AFF3: variants seen among roughly 807,000 people sequenced by gnomAD.
AFF3 encodes the protein AF4/FMR2 family member 3.
A neutral mutation model predicts 129.7 loss-of-function variants in AFF3; 32 were observed. That is an observed-to-expected ratio of 0.25 (90% CI 0.19 to 0.33). The LOEUF (loss-of-function observed/expected upper bound fraction) is 0.33. Ranked by LOEUF, AFF3 falls within the 10% of genes least tolerant of loss-of-function variation. The pLI is 1.00. For synonymous variants in AFF3, 644 were observed against 635.4 expected (o/e 1.01, Z -0.20); for missense variants, 1,373 against 1,592.0 (o/e 0.86, Z 2.34).
chr2:100,113,102 G>A (rs1444348116), intron 2 of AFF3, among the ~76,000 whole-genome samples: 2 of 152,160 alleles, frequency 1.3e-5, no homozygotes, highest in East Asian at 1.9e-4. Context: ...CTCAAGTCAG[G>A]GCTGAAGTCA....
chr2:99,554,711 C>T lies in AFF3; in HGVS notation c.3307G>A (p.Ala1103Thr), dbSNP rs948906687. 6.2e-7 allele frequency: 1 copy of T among 1,614,104 alleles called. No individual in the cohort carries two copies. Among genetic ancestry groups the T allele is most frequent in the African/African-American group, 1.3e-5 (1 of 74,944 alleles). ...YFKNSSKAAQ[A>T]PSPWGASGKS... Reference sequence around the variant, plus strand: ...CCACTGGCCCCCCACGGAGATGGGGCTTGGGCGGCTTTAGATGAGTTCTGC... The same window carrying T: ...CCACTGGCCCCCCACGGAGATGGGGTTTGGGCGGCTTTAGATGAGTTCTGC... Residue 1103 changes from alanine to threonine, a missense_variant, in exon 23 of 25, where the codon GCC (alanine) becomes ACC (threonine). Transcript: ENST00000672756.
chr2:99,709,271 T>C lies in AFF3; in HGVS notation c.1091+17806A>G, dbSNP rs189617032. 3.5e-4 allele frequency among the ~76,000 whole-genome samples: 54 copies of C among 152,346 alleles called. No individual in the cohort carries two copies. In the East Asian group the frequency reaches 8.7e-3, roughly 24 times the overall value. On this transcript the variant is annotated intron_variant, in intron 11 of 24. Coordinates refer to ENST00000672756, the MANE Select transcript of AFF3 (RefSeq NM_001386135.1). ...TCAAACTGGGTTCAAACCCTAGCTC[T>C]GTCACAAACTAGCTGTGTGAGGCTG...
intron 10 of AFF3, among the ~76,000 whole-genome samples, chr2:99,743,230 T>C (rs556382993): frequency 6.6e-6 from 1 of 152,232 alleles, no homozygotes; most frequent in East Asian, 1.9e-4. Context: ...GGCCTTTCTC[T>C]AGCTGCGCAT....
At chr2:99,701,015 A>T (rs1676801805) in intron 11 of AFF3, among the ~76,000 whole-genome samples, 1 of 152,188 alleles carries the variant, frequency 6.6e-6, no homozygotes, top group South Asian at 2.1e-4. Context: ...ACTGAAAGGG[A>T]CAGTGTGGCC....
intron 7 of AFF3, among the ~76,000 whole-genome samples, chr2:99,941,855 C>G (rs1035272758): frequency 4.6e-5 from 7 of 152,194 alleles, no homozygotes; most frequent in Non-Finnish European, 1.0e-4. Context: ...GATGACATCA[C>G]GGAGCCTCTG....
At chr2:99,619,939 A>T (rs1032612920) in intron 13 of AFF3, among the ~76,000 whole-genome samples, 10 of 152,170 alleles carry the variant, frequency 6.6e-5, no homozygotes, top group African/African-American at 1.9e-4. Context: ...AGGATGGAGG[A>T]CGACCAACCT....
intron 7 of AFF3, chr2:100,006,033 CCAT>C (rs1441293227): frequency 2.0e-5 from 3 of 152,140 alleles, no homozygotes; most frequent in Non-Finnish European, 4.4e-5. Flanking sequence ...CTCTTCACAA[CCAT>C]CATCAATTTG....
intron 7 of AFF3, among the ~76,000 whole-genome samples, chr2:99,935,304 C>T (rs934231532): frequency 6.6e-6 from 1 of 152,072 alleles, no homozygotes; most frequent in South Asian, 2.1e-4. Flanking sequence ...GGGACACTGG[C>T]CATGTCACTT....
At position 99,688,036 on chromosome 2, in the gene AFF3, G is replaced by T. The variant is rs189767543; in HGVS notation, c.1092-15447C>A. Among the ~76,000 whole-genome samples, 114 of 152,214 alleles carry T rather than the reference G, an allele frequency of 7.5e-4. No homozygotes were observed. The East Asian group carries it at 0.02, about 26-fold the overall frequency. On this transcript the variant is annotated intron_variant, in intron 11 of 24. Transcript: ENST00000672756. ...TTTTTGTATTTTTAGTAGAGACAGG[G>T]TTTCACCATGTTAGCCAGGATGGTC... is the stretch of plus-strand genomic sequence containing the variant.
chr2:99,927,126 C>T (rs573657406), intron 7 of AFF3, among the ~76,000 whole-genome samples: 1 of 152,282 alleles, frequency 6.6e-6, no homozygotes, highest in East Asian at 1.9e-4. Flanking sequence ...TCTCATCATG[C>T]CCCTACTTGC....
At chr2:99,648,706 T>C (rs1366226474) in intron 13 of AFF3, among the ~76,000 whole-genome samples, 1 of 152,064 alleles carries the variant, frequency 6.6e-6, no homozygotes, top group African/African-American at 2.4e-5. Context: ...CAGTCAATGA[T>C]GGCTCATTCC....
Position 99,565,565 on chromosome 2 carries a change from C to T in AFF3, c.3041G>A (p.Cys1014Tyr). The change falls in exon 20 of 25, where the codon TGT (cysteine) becomes TAT (tyrosine). Residue 1014 changes from cysteine to tyrosine, a missense_variant. By Grantham distance (194) the Cys-to-Tyr change is radical. This residue lies in a region of AFF3 where 65 missense variants were observed against 102.1 expected (regional missense o/e 0.64). Coordinates refer to ENST00000672756, the MANE Select transcript of AFF3 (RefSeq NM_001386135.1). ...YAEAALSFIE[C>Y]GNAMEQGPME... ...GGGGCCTTGTTCCATTGCATTTCCA[C>T]ACTCGATAAACGACAATGCTGCTTC... 1 of 1,614,198 alleles carries T rather than the reference C, an allele frequency of 6.2e-7. No individual in the cohort carries two copies. Among genetic ancestry groups the T allele is most frequent in the Non-Finnish European group, 8.5e-7 (1 of 1,180,032 alleles).
At chr2:100,067,268 G>C (rs1687806928) in intron 4 of AFF3, among the ~76,000 whole-genome samples, 1 of 151,720 alleles carries the variant, frequency 6.6e-6, no homozygotes, top group Non-Finnish European at 1.5e-5. Context: ...GACTTAGAAA[G>C]CTTATTTTTT....
chr2:99,549,118 C>T lies in AFF3; in HGVS notation c.*2356G>A, dbSNP rs1674232263. 2 of 225,392 alleles carry T rather than the reference C, an allele frequency of 8.9e-6. No individual in the cohort carries two copies. Among genetic ancestry groups the T allele is most frequent in the Admixed American group, 1.1e-4 (2 of 17,490 alleles). The allele number at this position is 225,392 out of a possible 1,614,324, so 14.0% of individuals were successfully genotyped here. On this transcript the variant is annotated 3_prime_UTR_variant, in exon 25 of 25. Transcript: ENST00000672756. ...CAAGGTGGGCAGGACCAGAGAAGCT[C>T]TCCAGGTATGCAGGATAGACCTCCA...
At chr2:99,993,165 CTT>C (rs955220911) in intron 7 of AFF3, among the ~76,000 whole-genome samples, 1 of 152,180 alleles carries the variant, frequency 6.6e-6, no homozygotes, top group Non-Finnish European at 1.5e-5. Context: ...AAAATAAGCT[CTT>C]GTCTTGTATT....
At chr2:99,727,417 C>A (rs1460288654) in intron 10 of AFF3, among the ~76,000 whole-genome samples, 1 of 152,138 alleles carries the variant, frequency 6.6e-6, no homozygotes, top group Non-Finnish European at 1.5e-5. Context: ...ACAGATGGAA[C>A]CTGTTTCCTT....
intron 7 of AFF3, among the ~76,000 whole-genome samples, chr2:99,998,139 C>G (rs1025382622): frequency 6.6e-6 from 1 of 152,216 alleles, no homozygotes; most frequent in African/African-American, 2.4e-5. Context: ...GTGTGAGGTA[C>G]TGTCCTGAGG....
chr2:99,889,518 G>A (rs1051866302), intron 7 of AFF3, among the ~76,000 whole-genome samples: 3 of 152,154 alleles, frequency 2.0e-5, no homozygotes, highest in Non-Finnish European at 2.9e-5. Flanking sequence ...ACAAGCACCC[G>A]CATAACGCCT....
At chr2:99,837,390 G>T (rs1688959252) in intron 8 of AFF3, 87 bp downstream of exon 8, 1 of 1,277,436 alleles carries the variant, frequency 7.8e-7, no homozygotes, top group Non-Finnish European at 1.1e-6. Flanking sequence ...CAGACTATGG[G>T]CTCCTTTATC....
Sources: gnomAD v4.1 joint callset for allele counts (sites outside exome capture counted in the v4.1 genomes callset) on GRCh38, gnomAD v4.1.1 for gene constraint, gnomAD v4.1.1 regional missense constraint, MANE v1.5 for transcripts, NCBI Gene and HGNC (gene_info 2026-07-23, HGNC 2026-07-21) for gene names.